Variants in KY observed in about 807,000 individuals in gnomAD.
KY encodes the protein kyphoscoliosis peptidase.
A neutral mutation model predicts 76.1 loss-of-function variants in KY; 43 were observed. The observed-to-expected ratio is 0.57, with a 90% confidence interval of 0.44 to 0.73. The LOEUF is 0.73. KY is among the 30% of genes least tolerant of loss of function. KY has a pLI of 0.00. For synonymous variants in KY, 277 were observed against 326.2 expected, an observed-to-expected ratio of 0.85 and a Z score of 1.63; for missense variants, 722 against 828.9, an observed-to-expected ratio of 0.87 and a Z score of 1.58.
rs1172825783 is a variant in KY, at chr3:134,605,187, ACAGGTGGTCAGTT to A, written c.1091-726_1091-714del. Among the ~76,000 whole-genome samples, 17 of 151,998 alleles carry A rather than the reference ACAGGTGGTCAGTT, an allele frequency of 1.1e-4. No homozygotes were observed. In the East Asian group the frequency reaches 2.7e-3, roughly 24 times the overall value. ...CTGTCCTGGTCATTGATTTTGAGGG[ACAGGTGGTCAGTT>A]CTCCAGTCTTTGTAGCCCATGAGGA... On this transcript the variant is annotated intron_variant, in intron 10 of 10. Coordinates refer to ENST00000423778, the MANE Select transcript of KY (RefSeq NM_178554.6).
intron 6 of KY, among the ~76,000 whole-genome samples, chr3:134,622,693 T>C (rs1321596001): frequency 6.6e-6 from 1 of 152,204 alleles, no homozygotes; most frequent in Non-Finnish European, 1.5e-5. Context: ...TGTTATTTTA[T>C]GATAAAAAAA....
rs994401123 is a variant in KY at position 134,602,126 on chromosome 3, C to A, written c.*1453G>T. ...AGAGGTGCCAGGCAGTGCTGGCTCT[C>A]AGGGGTTGGGGGGCACTGAGACAGC... On this transcript the variant is annotated 3_prime_UTR_variant, in exon 11 of 11. Coordinates refer to ENST00000423778, the MANE Select transcript of KY (RefSeq NM_178554.6). 9.9e-5 allele frequency among the ~76,000 whole-genome samples: 15 copies of A among 152,062 alleles called. No homozygotes were observed. Among genetic ancestry groups the A allele is most frequent in the African/African-American group, 3.6e-4 (15 of 41,402 alleles).
In KY at chr3:134,608,648, C is replaced by T. The variant is rs1337767464; in HGVS notation, c.1090+1G>A. On this transcript the variant is annotated splice_donor_variant, in intron 10 of 10. Transcript: ENST00000423778. LOFTEE classifies it high-confidence loss of function. The stretch of plus-strand genomic sequence containing the variant: ...CACACTGGCACCTGCTCCGGGCTCA[C>T]CTGTTCTGATCATGGAAGTCTCTGG... 11 of 1,613,916 alleles carry T rather than the reference C, an allele frequency of 6.8e-6. No homozygotes were observed. Among genetic ancestry groups the T allele is most frequent in the African/African-American group, 1.3e-5 (1 of 74,932 alleles).
rs915506108 is a variant in KY at position 134,610,665 on chromosome 3, A to G, written c.711-282T>C. ...CAACACCATTCAGATCACTTCTGAA[A>G]TGTTCATCCCTAGAGCCTGCTTGAC... is the stretch of plus-strand genomic sequence containing the variant. On this transcript the variant is annotated intron_variant, in intron 8 of 10. Transcript: ENST00000423778. The G allele has an allele frequency of 5.7e-5, 20 of 348,776 alleles. No individual in the cohort carries two copies. In the South Asian group the frequency reaches 5.7e-4, roughly 10 times the overall value. 21.6% of individuals were successfully genotyped at this position (348,776 alleles called of 1,614,324 possible). A position where few individuals can be genotyped will look rare whatever the true frequency, so the allele number is the denominator to read the frequency against.
intron 6 of KY, among the ~76,000 whole-genome samples, chr3:134,621,103 G>A (rs560155367): frequency 6.6e-6 from 1 of 152,324 alleles, no homozygotes; most frequent in African/African-American, 2.4e-5. Context: ...CAGATCTGGG[G>A]GCTAGCCAGG....
chr3:134,604,581 A>G (rs534829298), intron 10 of KY, 107 bp from the exon 11 acceptor site: 1 of 944,526 alleles, frequency 1.1e-6, no homozygotes, highest in Non-Finnish European at 1.6e-6. Flanking sequence ...TGACTTATAG[A>G]GCTTGTCTAT....
rs1025637686 is a variant in KY, at chr3:134,601,368, A to T, written c.*2211T>A. ...GTGGCATTCTCTGCAATGCTCCAGG[A>T]TGTATTGATTAATTATATTGCATAT... On this transcript the variant is annotated 3_prime_UTR_variant, in exon 11 of 11. Transcript: ENST00000423778. Among the ~76,000 whole-genome samples, 3 of 152,124 alleles carry T rather than the reference A, an allele frequency of 2.0e-5. No homozygotes were observed. The highest frequency in any genetic ancestry group is 7.2e-5 in the African/African-American group (3 of 41,430).
chr3:134,626,154 G>A (rs1481715272), intron 5 of KY, among the ~76,000 whole-genome samples: 3 of 152,198 alleles, frequency 2.0e-5, no homozygotes, highest in Non-Finnish European at 4.4e-5. Context: ...GATGGGGGTG[G>A]GAAGAAGTTG....
In KY at chr3:134,629,630, A is replaced by C. The variant is rs373768810; in HGVS notation, c.328T>G (p.Leu110Val). 6.2e-7 allele frequency: 1 copy of C among 1,600,052 alleles called. No individual in the cohort carries two copies. Among genetic ancestry groups the C allele is most frequent in the Non-Finnish European group, 8.5e-7 (1 of 1,173,052 alleles). Residue 110 changes from leucine (L) to valine (V), a missense_variant, in exon 4 of 11, where the codon TTG becomes GTG. This residue lies in a region of KY where 170 missense variants were observed against 148.1 expected (regional missense o/e 1.15). Transcript: ENST00000423778. ...AMPQLLKKFS[L>V]AKRLQGDKNG... ...CCTGTGTCATACATACGTTTAGCCA[A>C]GGAGAACTTCTTGAGCAGCTGGGGC... is the stretch of plus-strand genomic sequence containing the variant.
At chr3:134,606,529 C>T (rs1959215842) in intron 10 of KY, among the ~76,000 whole-genome samples, 1 of 152,226 alleles carries the variant, frequency 6.6e-6, no homozygotes, top group Non-Finnish European at 1.5e-5. Context: ...GCTGAGTTCC[C>T]TGGCAGCTTC....
chr3:134,647,185 C>A (rs1298905668), intron 2 of KY, among the ~76,000 whole-genome samples: 1 of 152,228 alleles, frequency 6.6e-6, no homozygotes, highest in Non-Finnish European at 1.5e-5. Flanking sequence ...GCTCAGCCAG[C>A]AAACAAATGG....
intron 2 of KY, among the ~76,000 whole-genome samples, chr3:134,644,678 G>A (rs184866767): frequency 9.2e-5 from 14 of 152,336 alleles, no homozygotes; most frequent in Middle Eastern, 3.4e-3. Flanking sequence ...GGTGCATTTA[G>A]ATGATTCTTC....
intron 4 of KY, 41 bp downstream of exon 4, chr3:134,629,580 C>G: frequency 2.0e-6 from 3 of 1,509,558 alleles, no homozygotes; most frequent in Non-Finnish European, 2.7e-6. Flanking sequence ...CTTCAATCCT[C>G]TCTGCCAGCC....
At chr3:134,613,899 A>G (rs1961009878) in intron 8 of KY, among the ~76,000 whole-genome samples, 1 of 152,234 alleles carries the variant, frequency 6.6e-6, no homozygotes, top group Non-Finnish European at 1.5e-5. Context: ...CAACTCTTTC[A>G]TGTCATCAAA....
At chr3:134,633,188 A>G (rs1964460549) in intron 3 of KY, among the ~76,000 whole-genome samples, 1 of 152,070 alleles carries the variant, frequency 6.6e-6, no homozygotes, top group Admixed American at 6.5e-5. Flanking sequence ...TTTAAAGTAA[A>G]TAACATCAAT....
At position 134,612,693 on chromosome 3, in the gene KY, C is replaced by T. The variant is rs979770513; in HGVS notation, c.711-2310G>A. On this transcript the variant is annotated intron_variant, in intron 8 of 10. Transcript: ENST00000423778. ...AGTGAGCTAAGCAGTGCCCCTGACA[C>T]GATGTGAACTGACAACAGCATGTCA... 4.6e-5 allele frequency among the ~76,000 whole-genome samples: 7 copies of T among 151,364 alleles called. No individual in the cohort carries two copies. The South Asian group carries it at 6.2e-4, about 14-fold the overall frequency.
intron 3 of KY, among the ~76,000 whole-genome samples, chr3:134,630,862 A>G (rs954456456): frequency 6.6e-6 from 1 of 152,230 alleles, no homozygotes; most frequent in African/African-American, 2.4e-5. Flanking sequence ...AATAGCAAAC[A>G]GTTTTGAGAT....
intron 10 of KY, 42 bp from the exon 11 acceptor site, chr3:134,604,516 C>A (rs747653642): frequency 1.3e-6 from 2 of 1,510,468 alleles, no homozygotes; most frequent in South Asian, 1.2e-5. Context: ...GGGTCCAGCA[C>A]GTGCTGATGT....
chr3:134,606,029 A>G (rs186678468), intron 10 of KY, among the ~76,000 whole-genome samples: 164 of 152,294 alleles, frequency 1.1e-3, no homozygotes, highest in African/African-American at 3.9e-3. Context: ...CCTCCAAAGG[A>G]AAGTGACCAA....
Sources: gnomAD v4.1 joint callset for allele counts (sites outside exome capture counted in the v4.1 genomes callset) on GRCh38, gnomAD v4.1.1 for gene constraint, gnomAD v4.1.1 regional missense constraint, MANE v1.5 for transcripts, NCBI Gene and HGNC (gene_info 2026-07-23, HGNC 2026-07-21) for gene names.